Variants in SARM1 observed in about 807,000 individuals in gnomAD.
SARM1 encodes the protein sterile alpha and TIR motif containing 1.
SARM1 carries 60 observed loss-of-function variants against 65.1 expected under a neutral mutation model. The observed-to-expected ratio is 0.92, with a 90% CI of 0.75 to 1.14. SARM1 has a LOEUF of 1.14. SARM1 is among the 50% of genes most tolerant of loss of function. The pLI, the probability that SARM1 is intolerant of heterozygous loss-of-function variation, is 0.00. For synonymous variants in SARM1, 417 were observed against 465.4 expected (o/e 0.90, Z 1.34); for missense variants, 913 against 1,015.7 (o/e 0.90, Z 1.37).
intron 2 of SARM1, among the ~76,000 whole-genome samples, chr17:28,383,586 C>A (rs2068035284): frequency 6.6e-6 from 1 of 152,184 alleles, no homozygotes; most frequent in Admixed American, 6.5e-5. Flanking sequence ...TGGGCCGCAA[C>A]CATGATCACC....
In SARM1 at chr17:28,402,233, C is replaced by T; in HGVS notation, c.*5947C>T. On this transcript the variant is annotated 3_prime_UTR_variant, in exon 9 of 9. Coordinates refer to ENST00000585482, the MANE Select transcript of SARM1 (RefSeq NM_015077.4). ...AACCAGACACAGGTGGGTTCTGACA[C>T]TCACCCTGCTCTGTCTCTCTCACCA... 1 of 1,611,492 alleles carries T rather than the reference C, an allele frequency of 6.2e-7. No homozygotes were observed. Among genetic ancestry groups the T allele is most frequent in the Non-Finnish European group, 8.5e-7 (1 of 1,178,670 alleles).
chr17:28,392,421 T>C (rs1007621597), intron 7 of SARM1, among the ~76,000 whole-genome samples: 121 of 152,288 alleles, frequency 7.9e-4, no homozygotes, highest in African/African-American at 2.9e-3. Flanking sequence ...CGGCCGCCAT[T>C]ATCCCTTTCT....
chr17:28,372,519 G>A lies in SARM1; in HGVS notation c.470+17G>A, dbSNP rs782539104. ...TGAGAACCGGTGAGCGCGCCAGGCCGGGGTTGGGAGAGCGCCGCGTGGTGT... is the reference window on the plus strand; with the variant it reads ...TGAGAACCGGTGAGCGCGCCAGGCCAGGGTTGGGAGAGCGCCGCGTGGTGT... On this transcript the variant is annotated intron_variant, in intron 1 of 8. Transcript: ENST00000585482. The surrounding 1 kb of genome is among the most constrained non-coding windows in gnomAD (Gnocchi z 5.2). 2 of 1,510,292 alleles carry A rather than the reference G, an allele frequency of 1.3e-6. No individual in the cohort carries two copies. Among genetic ancestry groups the A allele is most frequent in the East Asian group, 2.6e-5 (1 of 37,976 alleles). 93.6% of individuals were successfully genotyped at this position (1,510,292 alleles called of 1,614,324 possible). A position where few individuals can be genotyped will look rare whatever the true frequency, so the allele number is the denominator to read the frequency against.
Position 28,400,796 on chromosome 17 carries a change from G to A in SARM1, c.*4510G>A. 1 of 1,548,256 alleles carries A rather than the reference G, an allele frequency of 6.5e-7. No homozygotes were observed. The highest frequency in any genetic ancestry group is 8.7e-7 in the Non-Finnish European group (1 of 1,145,344). ...GAAGAAATAAATACCATACTCTGGA[G>A]TCCGAAAGGGCCATATTCCAACTCT... On this transcript the variant is annotated 3_prime_UTR_variant, in exon 9 of 9. Transcript: ENST00000585482.
rs371410539 is a variant in SARM1, at chr17:28,388,766, C to CTTTTTTTT, written c.1923+236_1923+243dup. Among the ~76,000 whole-genome samples the CTTTTTTTT allele has an allele frequency of 3.4e-4, 46 of 135,878 alleles. 2 individuals carry two copies. The highest frequency in any genetic ancestry group is 1.2e-3 in the South Asian group (5 of 4,234). The allele number at this position is 135,878 out of a possible 152,430, so 89.1% of individuals were successfully genotyped here. A position where few individuals can be genotyped will look rare whatever the true frequency, so the allele number is the denominator to read the frequency against. On this transcript the variant is annotated intron_variant, in intron 7 of 8. Coordinates refer to ENST00000585482, the MANE Select transcript of SARM1 (RefSeq NM_015077.4). ...CTCTCTGAGCCTCAGTTTTCTTTTT[C>CTTTTTTTT]TTTTTTTTTTTTTTTTGTTTTTGAG...
chr17:28,383,012 C>T lies in SARM1; in HGVS notation c.1089+1191C>T, dbSNP rs1226791448. Among the ~76,000 whole-genome samples the T allele has an allele frequency of 3.3e-5, 5 of 152,190 alleles. No individual in the cohort carries two copies. The East Asian group carries it at 9.6e-4, about 29-fold the overall frequency. On this transcript the variant is annotated intron_variant, in intron 2 of 8. Transcript: ENST00000585482. Reference sequence around the variant, plus strand: ...ACCTTGTCTGTACCCCAGCTGTCATCTGGGGGTGCTCAAAGGAGTGTGTCT... The same window carrying T: ...ACCTTGTCTGTACCCCAGCTGTCATTTGGGGGTGCTCAAAGGAGTGTGTCT...
chr17:28,384,712 C>T lies in SARM1; in HGVS notation c.1303-127C>T. On this transcript the variant is annotated intron_variant, in intron 3 of 8. Coordinates refer to ENST00000585482, the MANE Select transcript of SARM1 (RefSeq NM_015077.4). This position sits in a 1 kb window ranked among gnomAD's most constrained non-coding sequence, Gnocchi z 4.4. Reference sequence around the variant, plus strand: ...GCCTGTACGCAGCCACCGTTAGGGTCACTCGGCTCTGATCTAGGTCCCATC... The same window carrying T: ...GCCTGTACGCAGCCACCGTTAGGGTTACTCGGCTCTGATCTAGGTCCCATC... The T allele has an allele frequency of 2.5e-6, 3 of 1,188,504 alleles. No homozygotes were observed. Among genetic ancestry groups the T allele is most frequent in the South Asian group, 1.4e-5 (1 of 69,352 alleles). 73.6% of individuals were successfully genotyped at this position (1,188,504 alleles called of 1,614,324 possible).
intron 1 of SARM1, chr17:28,373,822 A>T (rs1269140326): frequency 6.6e-6 from 1 of 152,268 alleles, no homozygotes; most frequent in Non-Finnish European, 1.5e-5. Context: ...CTATATCTCA[A>T]GGTTAAAAAT....
intron 2 of SARM1, among the ~76,000 whole-genome samples, chr17:28,383,511 G>A (rs2068034681): frequency 6.6e-6 from 1 of 152,206 alleles, no homozygotes; most frequent in African/African-American, 2.4e-5. Flanking sequence ...CTACAAGGCA[G>A]GTCATTTTGC....
At chr17:28,388,777 T>C (rs1480989790) in intron 7 of SARM1, among the ~76,000 whole-genome samples, 4 of 150,858 alleles carry the variant, frequency 2.7e-5, no homozygotes, top group Admixed American at 1.3e-4. Context: ...TTTTTTTTTT[T>C]TTTTTGTTTT....
intron 7 of SARM1, chr17:28,395,072 G>C (rs116278566): frequency 1.3e-5 from 2 of 151,272 alleles, no homozygotes; most frequent in Non-Finnish European, 2.9e-5. Context: ...GACTCAGGCT[G>C]CAGAGACCAA....
In SARM1 at chr17:28,397,872, C is replaced by T. The variant is rs1398083576; in HGVS notation, c.*1586C>T. Reference sequence around the variant, plus strand: ...TTAAAGCTGGCTGCGCCCCCAGCCCCACTCTTGGCTGTGCTGGCCAGGTGA... The same window carrying T: ...TTAAAGCTGGCTGCGCCCCCAGCCCTACTCTTGGCTGTGCTGGCCAGGTGA... On this transcript the variant is annotated 3_prime_UTR_variant, in exon 9 of 9. Transcript: ENST00000585482. The T allele has an allele frequency of 3.9e-5, 6 of 152,942 alleles. No homozygotes were observed. Among genetic ancestry groups the T allele is most frequent in the African/African-American group, 1.4e-4 (6 of 41,492 alleles). The allele number at this position is 152,942 out of a possible 1,614,324, so 9.5% of individuals were successfully genotyped here.
Position 28,385,056 on chromosome 17 carries a change from A to C in SARM1, c.1411A>C (p.Thr471Pro). The C allele has an allele frequency of 3.7e-6, 6 of 1,613,530 alleles. No homozygotes were observed. The highest frequency in any genetic ancestry group is 5.1e-6 in the Non-Finnish European group (6 of 1,179,564). Residue 471 changes from threonine to proline, a missense_variant, in exon 5 of 9, where the codon ACG becomes CCG. Thr to Pro is a conservative substitution (Grantham distance 38). Coordinates refer to ENST00000585482, the MANE Select transcript of SARM1 (RefSeq NM_015077.4). This position sits in a 1 kb window ranked among gnomAD's most constrained non-coding sequence, Gnocchi z 4.5. ...ITRKRFFREL[T>P]ELKTFANYST... ...GGGGTGCAGGTTCTTTAGGGAGCTC[A>C]CGGAGCTCAAGACCTTCGCCAACTA...
intron 7 of SARM1, among the ~76,000 whole-genome samples, 173 bp downstream of exon 7, chr17:28,388,712 AC>A (rs2068065455): frequency 6.6e-6 from 1 of 151,544 alleles, no homozygotes; most frequent in African/African-American, 2.4e-5. Context: ...ACTTTAGCAA[AC>A]CACAAGGGAC....
chr17:28,376,403 CAAAAA>C (rs58695374), intron 1 of SARM1, among the ~76,000 whole-genome samples: 4 of 84,002 alleles, frequency 4.8e-5, no homozygotes, highest in South Asian at 5.4e-4. Context: ...ACTAAAAATA[CAAAAA>C]AAAAAAAAAA....
intron 7 of SARM1, among the ~76,000 whole-genome samples, chr17:28,391,764 T>TA (rs1555586932): frequency 1.3e-5 from 2 of 148,820 alleles, no homozygotes; most frequent in Non-Finnish European, 3.0e-5. Context: ...TAGAGGAGTT[T>TA]ATAGAACAAT....
chr17:28,388,525 G>C lies in SARM1; in HGVS notation c.1909G>C (p.Asp637His). 6.2e-7 allele frequency: 1 copy of C among 1,613,422 alleles called. No individual in the cohort carries two copies. Among genetic ancestry groups the C allele is most frequent in the East Asian group, 2.2e-5 (1 of 44,878 alleles). The change falls in exon 7 of 9, where the codon GAT becomes CAT. Residue 637 changes from aspartate (D) to histidine (H), a missense_variant. By Grantham distance (81) the Asp-to-His change is moderately conservative. This residue lies in a region of SARM1 where 862 missense variants were observed against 952.1 expected (regional missense o/e 0.91). Coordinates refer to ENST00000585482, the MANE Select transcript of SARM1 (RefSeq NM_015077.4). ...DKCMQDHDCK[D>H]WVHKEIVTAL... is the part of the protein sequence containing the mutation. The stretch of plus-strand genomic sequence containing the variant: ...GTGCATGCAAGACCATGACTGCAAG[G>C]ATTGGGTGCATAAGGTAGGTGCCTG...
At position 28,398,529 on chromosome 17, in the gene SARM1, C is replaced by T. The variant is rs1555588730; in HGVS notation, c.*2243C>T. On this transcript the variant is annotated 3_prime_UTR_variant, in exon 9 of 9. Transcript: ENST00000585482. The stretch of plus-strand genomic sequence containing the variant: ...CTCAGAAGTGGCCTTTCCTCCAAAG[C>T]CTGCTCAGACACAGGTCTGTAGGGC... 2 of 152,336 alleles carry T rather than the reference C, an allele frequency of 1.3e-5. No homozygotes were observed. Among genetic ancestry groups the T allele is most frequent in the African/African-American group, 4.8e-5 (2 of 41,452 alleles). 9.4% of individuals were successfully genotyped at this position (152,336 alleles called of 1,614,324 possible).
chr17:28,388,474 G>T lies in SARM1; in HGVS notation c.1858G>T (p.Val620Leu), dbSNP rs782001345. The part of the protein sequence containing the change: ...SVMGARNFVL[V>L]LSPGALDKCM... ...CATGGGTGCCCGCAACTTTGTGTTG[G>T]TGCTATCACCTGGAGCACTGGACAA... Residue 620 changes from valine (V) to leucine (L), a missense_variant, in exon 7 of 9, where the codon GTG (valine) becomes TTG (leucine). Transcript: ENST00000585482. 1 of 1,613,972 alleles carries T rather than the reference G, an allele frequency of 6.2e-7. No individual in the cohort carries two copies. The highest frequency in any genetic ancestry group is 8.5e-7 in the Non-Finnish European group (1 of 1,179,900).
Sources: gnomAD v4.1 joint callset for allele counts (sites outside exome capture counted in the v4.1 genomes callset) on GRCh38, gnomAD v4.1.1 for gene constraint, gnomAD v4.1.1 regional missense constraint, Gnocchi (gnomAD v3.1) non-coding constraint, MANE v1.5 for transcripts, NCBI Gene and HGNC (gene_info 2026-07-23, HGNC 2026-07-21) for gene names.